MMP26: variants seen among roughly 807,000 people sequenced by gnomAD.
The protein encoded by MMP26 is matrix metalloproteinase-26.
A neutral mutation model predicts 31.0 loss-of-function variants in MMP26; 33 were observed. The observed-to-expected ratio is 1.06, with a 90% CI of 0.81 to 1.42. The LOEUF (loss-of-function observed/expected upper bound fraction) is 1.42, where lower values mean the gene tolerates loss of function less well. Ranked by LOEUF, MMP26 falls within the 40% of genes most tolerant of loss-of-function variation. The pLI is 0.00. For synonymous variants in MMP26, 122 were observed against 114.9 expected (o/e 1.06, Z -0.40); for missense variants, 347 against 316.1 (o/e 1.10, Z -0.74).
At chr11:4,901,455 C>T (rs766657925) in intron 2 of MMP26, among the ~76,000 whole-genome samples, 8 of 151,938 alleles carry the variant, frequency 5.3e-5, no homozygotes, top group Non-Finnish European at 7.4e-5. Context: ...CCACCATGCC[C>T]GGCCCCCTCT....
chr11:4,853,952 C>T (rs758661804), intron 2 of MMP26, among the ~76,000 whole-genome samples: 5 of 152,084 alleles, frequency 3.3e-5, no homozygotes, highest in Admixed American at 2.0e-4. Flanking sequence ...GGAATTTATG[C>T]GTAAGTGCAG....
At chr11:4,954,040 C>A (rs1846400080) in intron 2 of MMP26, among the ~76,000 whole-genome samples, 1 of 124,738 alleles carries the variant, frequency 8.0e-6, no homozygotes, top group Non-Finnish European at 1.8e-5. Flanking sequence ...GGCTACAGAG[C>A]AAGATTTCGT....
In MMP26 at chr11:4,958,042, T is replaced by G. The variant is rs187315963; in HGVS notation, c.-144-30026T>G. ...AAATTACTCCAAGGCCAGAATTCAC[T>G]CCCAACAAGAGTTTAACTGTGAGAT... On this transcript the variant is annotated intron_variant, in intron 2 of 7. Coordinates refer to ENST00000380390, the MANE Select transcript of MMP26 (RefSeq NM_021801.5). Among the ~76,000 whole-genome samples the G allele has an allele frequency of 1.3e-3, 204 of 152,264 alleles. 1 individual carries two copies. The highest frequency in any genetic ancestry group is 4.5e-3 in the African/African-American group (189 of 41,556).
intron 1 of MMP26, among the ~76,000 whole-genome samples, chr11:4,735,783 TAA>T (rs78028003): frequency 0.19 from 28,947 of 151,960 alleles, 3,020 homozygotes; most frequent in African/African-American, 0.25. Context: ...AATCAAAAAG[TAA>T]AAAACACTTA....
chr11:4,991,383 GT>G lies in MMP26; in HGVS notation c.484del (p.Trp162GlyfsTer10). The G allele has an allele frequency of 6.2e-7, 1 of 1,613,424 alleles. No individual in the cohort carries two copies. The highest frequency in any genetic ancestry group is 1.6e-4 in the Middle Eastern group (1 of 6,062). On this transcript the variant is annotated frameshift_variant, in exon 6 of 8. Coordinates refer to ENST00000380390, the MANE Select transcript of MMP26 (RefSeq NM_021801.5). LOFTEE classifies it high-confidence loss of function. ...CTGTCGTCCACAGCCCATGAAGATG[GT>G]TGGCCCTTTGATGGGCCAGGTGGTA... ...VSFWQWAHED[G>X]WPFDGPGGIL...
At chr11:4,912,220 T>G (rs1851001874) in intron 2 of MMP26, among the ~76,000 whole-genome samples, 3 of 152,170 alleles carry the variant, frequency 2.0e-5, no homozygotes, top group African/African-American at 4.8e-5. Context: ...CCTTGTGGGG[T>G]AGACATTTTT....
chr11:4,745,483 CA>C (rs1284057648), intron 1 of MMP26, among the ~76,000 whole-genome samples: 1 of 152,160 alleles, frequency 6.6e-6, no homozygotes, highest in African/African-American at 2.4e-5. Context: ...CAAAATTTAG[CA>C]GAAAGTACAG....
At chr11:4,775,621 G>C (rs150801639) in intron 2 of MMP26, among the ~76,000 whole-genome samples, 1 of 152,120 alleles carries the variant, frequency 6.6e-6, no homozygotes, top group African/African-American at 2.4e-5. Flanking sequence ...TCTGCAGGCT[G>C]TACAGAAATC....
At chr11:4,880,903 C>T (rs1001710758) in intron 2 of MMP26, among the ~76,000 whole-genome samples, 1 of 152,130 alleles carries the variant, frequency 6.6e-6, no homozygotes, top group Admixed American at 6.6e-5. Flanking sequence ...GGGTCTGTAA[C>T]ATTACTGATG....
At chr11:4,909,882 AC>A (rs1172962180) in intron 2 of MMP26, among the ~76,000 whole-genome samples, 1 of 152,118 alleles carries the variant, frequency 6.6e-6, no homozygotes, top group Non-Finnish European at 1.5e-5. Context: ...TTCTTTGTCA[AC>A]ATTCTCTGTC....
chr11:4,859,481 C>G (rs896185549), intron 2 of MMP26: 20 of 352,616 alleles, frequency 5.7e-5, no homozygotes, highest in Non-Finnish European at 1.0e-4. Flanking sequence ...TGTATCTTCA[C>G]CCACAAGCCT....
intron 2 of MMP26, chr11:4,804,117 G>T (rs1482185083): frequency 1.2e-6 from 2 of 1,614,154 alleles, no homozygotes; most frequent in Non-Finnish European, 1.7e-6. Context: ...CATGAAACCA[G>T]AATATGGCCA....
chr11:4,970,516 A>C (rs1846651130), intron 2 of MMP26, among the ~76,000 whole-genome samples: 1 of 152,174 alleles, frequency 6.6e-6, no homozygotes. Context: ...TGATGTGTAC[A>C]GGGAGTTCAA....
chr11:4,721,314 T>G (rs1848009162), intron 1 of MMP26, among the ~76,000 whole-genome samples: 1 of 152,182 alleles, frequency 6.6e-6, no homozygotes, highest in Non-Finnish European at 1.5e-5. Context: ...AGCTAAATGC[T>G]TTCACAGTTC....
chr11:4,723,728 G>T, intron 1 of MMP26: 2 of 1,186,040 alleles, frequency 1.7e-6, no homozygotes, highest in Non-Finnish European at 2.5e-6. Context: ...TCCAGTTGCC[G>T]CCTAAGGTTG....
chr11:4,845,756 C>A (rs553138236), intron 2 of MMP26, among the ~76,000 whole-genome samples: 1 of 152,180 alleles, frequency 6.6e-6, no homozygotes, highest in South Asian at 2.1e-4. Flanking sequence ...TGGAAAAAAA[C>A]CAATAATCTA....
chr11:4,924,456 C>A, intron 2 of MMP26: 1 of 1,045,760 alleles, frequency 9.6e-7, no homozygotes, highest in Non-Finnish European at 1.4e-6. Flanking sequence ...GAAGCATCTG[C>A]AGATGGCATA....
chr11:4,857,625 C>T (rs1850074450), intron 2 of MMP26, among the ~76,000 whole-genome samples: 1 of 152,166 alleles, frequency 6.6e-6, no homozygotes, highest in South Asian at 2.1e-4. Flanking sequence ...GAGGGATTCA[C>T]AGCCGAATTC....
chr11:4,813,479 G>T (rs1849378380), intron 2 of MMP26, among the ~76,000 whole-genome samples: 1 of 151,818 alleles, frequency 6.6e-6, no homozygotes, highest in Non-Finnish European at 1.5e-5. Context: ...CCACCGCCTT[G>T]GCTTCCCAAA....
Sources: gnomAD v4.1 joint callset for allele counts (sites outside exome capture counted in the v4.1 genomes callset) on GRCh38, gnomAD v4.1.1 for gene constraint, MANE v1.5 for transcripts, NCBI Gene and HGNC (gene_info 2026-07-23, HGNC 2026-07-21) for gene names.